Variants in PPM1L observed in about 807,000 individuals in gnomAD.
PPM1L encodes the protein protein phosphatase 1L.
A neutral mutation model predicts 31.4 loss-of-function variants in PPM1L; 13 were observed. That is an observed-to-expected ratio of 0.41 (90% CI 0.27 to 0.66). The LOEUF (loss-of-function observed/expected upper bound fraction) is 0.66. Ranked by LOEUF, PPM1L falls within the 30% of genes least tolerant of loss-of-function variation. PPM1L has a pLI of 0.29. For missense variants in PPM1L, 326 were observed against 453.7 expected (o/e 0.72, Z 2.56); for synonymous variants, 184 against 175.4 (o/e 1.05, Z -0.39).
intron 1 of PPM1L, among the ~76,000 whole-genome samples, chr3:160,931,180 G>A (rs1051368558): frequency 1.3e-5 from 2 of 152,148 alleles, no homozygotes; most frequent in Non-Finnish European, 2.9e-5. Context: ...TTTTGGTTTA[G>A]GCAGCCTGAA....
intron 2 of PPM1L, among the ~76,000 whole-genome samples, chr3:161,043,547 C>G (rs1038270550): frequency 6.6e-6 from 1 of 152,224 alleles, no homozygotes. Flanking sequence ...ATATGCCCCA[C>G]TTCTAGGGTG....
intron 2 of PPM1L, among the ~76,000 whole-genome samples, chr3:161,055,495 A>G (rs1013799247): frequency 3.3e-5 from 5 of 152,104 alleles, no homozygotes; most frequent in African/African-American, 1.2e-4. Flanking sequence ...ACTCCAATGT[A>G]ATTTCTGTCC....
intron 1 of PPM1L, among the ~76,000 whole-genome samples, chr3:160,863,946 A>G (rs1711994912): frequency 6.6e-6 from 1 of 152,194 alleles, no homozygotes; most frequent in Non-Finnish European, 1.5e-5. Context: ...AAAAACATCT[A>G]GATGGATATA....
chr3:161,041,078 C>A (rs1212030444), intron 2 of PPM1L, among the ~76,000 whole-genome samples: 2 of 150,378 alleles, frequency 1.3e-5, no homozygotes, highest in Non-Finnish European at 3.0e-5. Context: ...AGGGCATTCA[C>A]TATAGGACTT....
At chr3:160,941,664 C>T (rs1176697027) in intron 1 of PPM1L, among the ~76,000 whole-genome samples, 2 of 152,120 alleles carry the variant, frequency 1.3e-5, no homozygotes, top group Non-Finnish European at 2.9e-5. Context: ...CCAATTAAGA[C>T]TCTTTTTCTT....
At chr3:161,006,744 G>A (rs774812689) in intron 2 of PPM1L, among the ~76,000 whole-genome samples, 5 of 145,794 alleles carry the variant, frequency 3.4e-5, no homozygotes, top group East Asian at 2.1e-4. Flanking sequence ...GTGCAGTGGC[G>A]CCATCTTGGC....
rs1479616279 is a variant in PPM1L, at chr3:161,015,656, G to T, written c.575-49747G>T. Among the ~76,000 whole-genome samples the T allele has an allele frequency of 3.3e-5, 5 of 152,058 alleles. No homozygotes were observed. In the East Asian group the frequency reaches 9.6e-4, roughly 29 times the overall value. Reference sequence around the variant, plus strand: ...AAATATTTCAGCTCTGAGGCTTTTTGTTTAACTGGATTCAGTGGTTCTCTT... The same window carrying T: ...AAATATTTCAGCTCTGAGGCTTTTTTTTTAACTGGATTCAGTGGTTCTCTT... On this transcript the variant is annotated intron_variant, in intron 2 of 3. Coordinates refer to ENST00000498165, the MANE Select transcript of PPM1L (RefSeq NM_139245.4).
At chr3:161,007,996 C>T (rs1717768929) in intron 2 of PPM1L, among the ~76,000 whole-genome samples, 1 of 152,168 alleles carries the variant, frequency 6.6e-6, no homozygotes, top group Non-Finnish European at 1.5e-5. Context: ...AAACATCTAT[C>T]TCTATCTGAC....
chr3:161,013,430 T>A (rs542215221), intron 2 of PPM1L, among the ~76,000 whole-genome samples: 9 of 152,128 alleles, frequency 5.9e-5, no homozygotes, highest in Non-Finnish European at 8.8e-5. Context: ...TGCTGAGGAG[T>A]GCTTTACTTC....
chr3:160,868,815 CT>C lies in PPM1L; in HGVS notation c.400-92919del, dbSNP rs766756166. ...ACACATTTAATATGACAGTTAATTT[CT>C]TCTTTTCCAAAGGAGAAAATCACAA... is the stretch of plus-strand genomic sequence containing the variant. On this transcript the variant is annotated intron_variant, in intron 1 of 3. Transcript: ENST00000498165. Among the ~76,000 whole-genome samples, 5 of 151,562 alleles carry C rather than the reference CT, an allele frequency of 3.3e-5. No homozygotes were observed. The South Asian group carries it at 6.3e-4, about 19-fold the overall frequency.
At chr3:160,968,065 T>C (rs1411354372) in intron 2 of PPM1L, among the ~76,000 whole-genome samples, 1 of 152,036 alleles carries the variant, frequency 6.6e-6, no homozygotes, top group East Asian at 1.9e-4. Context: ...AAGAAGACCA[T>C]CACTCAGCTT....
Position 161,073,167 on chromosome 3 carries a change from A to G in PPM1L, c.*4010A>G, listed in dbSNP as rs893968434. 6.6e-6 allele frequency: 1 copy of G among 152,214 alleles called. No individual in the cohort carries two copies. The highest frequency in any genetic ancestry group is 1.5e-5 in the Non-Finnish European group (1 of 68,040). 9.4% of individuals were successfully genotyped at this position (152,214 alleles called of 1,614,324 possible). On this transcript the variant is annotated 3_prime_UTR_variant, in exon 4 of 4. Coordinates refer to ENST00000498165, the MANE Select transcript of PPM1L (RefSeq NM_139245.4). ...GAAATAAGTTTGGAAAACACATACCATCTTAGAAAGTTAGTGAACATGAGC... is the reference window on the plus strand; with the variant it reads ...GAAATAAGTTTGGAAAACACATACCGTCTTAGAAAGTTAGTGAACATGAGC...
intron 1 of PPM1L, among the ~76,000 whole-genome samples, chr3:160,934,321 A>G (rs990212604): frequency 4.6e-5 from 7 of 152,248 alleles, no homozygotes; most frequent in Admixed American, 2.6e-4. Context: ...TTTAAGTGAT[A>G]AATTTAAGAG....
intron 2 of PPM1L, among the ~76,000 whole-genome samples, chr3:161,048,916 A>C (rs1234578006): frequency 1.8e-5 from 2 of 110,228 alleles, no homozygotes; most frequent in Non-Finnish European, 3.4e-5. Context: ...AACATCACAC[A>C]CTGGGGCCTG....
chr3:160,992,832 A>C (rs956600486), intron 2 of PPM1L, among the ~76,000 whole-genome samples: 2 of 152,176 alleles, frequency 1.3e-5, no homozygotes, highest in African/African-American at 4.8e-5. Flanking sequence ...GGCTAGCCTG[A>C]GCTATGTGCT....
intron 1 of PPM1L, among the ~76,000 whole-genome samples, chr3:160,861,646 C>A (rs1045851499): frequency 6.6e-6 from 1 of 152,024 alleles, no homozygotes; most frequent in Non-Finnish European, 1.5e-5. Flanking sequence ...GTATTAATTT[C>A]CTACTGCTGC....
chr3:161,018,452 T>G (rs1189257004), intron 2 of PPM1L, among the ~76,000 whole-genome samples: 1 of 152,214 alleles, frequency 6.6e-6, no homozygotes, highest in African/African-American at 2.4e-5. Flanking sequence ...ACAAATGGAA[T>G]TCCAATATTA....
At chr3:160,847,268 T>G (rs896183648) in intron 1 of PPM1L, among the ~76,000 whole-genome samples, 8 of 152,160 alleles carry the variant, frequency 5.3e-5, no homozygotes, top group African/African-American at 1.9e-4. Flanking sequence ...CATATCTTCT[T>G]GTAGTATCAA....
intron 2 of PPM1L, among the ~76,000 whole-genome samples, chr3:161,025,534 T>C (rs988167527): frequency 6.6e-6 from 1 of 150,570 alleles, no homozygotes; most frequent in African/African-American, 2.5e-5. Context: ...ATCACATCAC[T>C]GCACCTTAGC....
Sources: allele counts gnomAD v4.1 joint callset (sites outside exome capture counted in the v4.1 genomes callset), GRCh38; gene constraint gnomAD v4.1.1; transcripts MANE v1.5; gene names NCBI Gene and HGNC (gene_info 2026-07-23, HGNC 2026-07-21).